Variants in TMEM123 observed in about 807,000 individuals in gnomAD.
TMEM123 encodes the protein transmembrane protein 123.
Under a neutral mutation model 19.7 loss-of-function variants are expected in TMEM123, and 16 were observed. The ratio of observed to expected loss-of-function variants is 0.81; its 90% confidence interval spans 0.55 to 1.23. The LOEUF is 1.23. Ranked by LOEUF, TMEM123 falls within the 50% of genes most tolerant of loss-of-function variation. The pLI, the probability that TMEM123 is intolerant of heterozygous loss-of-function variation, is 0.00. For missense variants in TMEM123, 313 were observed against 257.8 expected, an observed-to-expected ratio of 1.21 and a Z score of -1.47; for synonymous variants, 118 against 99.4, an observed-to-expected ratio of 1.19 and a Z score of -1.12.
rs576130299 is a variant in TMEM123 at position 102,412,534 on chromosome 11, C to T, written c.158-10328G>A. 4.3e-4 allele frequency among the ~76,000 whole-genome samples: 65 copies of T among 151,956 alleles called. 1 individual carries two copies. The Middle Eastern group carries it at 0.01, about 24-fold the overall frequency. On this transcript the variant is annotated intron_variant, in intron 2 of 4. Coordinates refer to ENST00000398136, the MANE Select transcript of TMEM123 (RefSeq NM_052932.3). ...AACTTAAATATAAGATATAGAAATG[C>T]TAAAAAGTATTGAAAGTAAGAGTAA... is the stretch of plus-strand genomic sequence containing the variant.
Position 102,398,867 on chromosome 11 carries a change from T to C in TMEM123, c.627A>G (p.Ter209=), listed in dbSNP as rs1185517291. The C allele has an allele frequency of 6.2e-7, 1 of 1,611,700 alleles. No individual in the cohort carries two copies. The highest frequency in any genetic ancestry group is 8.5e-7 in the Non-Finnish European group (1 of 1,179,382). ...RTIDEHDAII[*] ...TTCCATCCTTGGTCCATGGATTTCC[T>C]TAAATGATGGCATCATGTTCATCTC... Residue 209 remains the stop codon, a stop_retained_variant, in exon 5 of 5, where the codon TAA becomes TAG. Coordinates refer to ENST00000398136, the MANE Select transcript of TMEM123 (RefSeq NM_052932.3).
In TMEM123 at chr11:102,398,666, AG is replaced by A. The variant is rs5794169; in HGVS notation, c.*200del. 565,778 of 576,772 alleles carry A rather than the reference AG, an allele frequency of 0.98. 277,602 individuals carry two copies. Among genetic ancestry groups the A allele is most frequent in the East Asian group, 1 (31,267 of 31,268 alleles). The allele number at this position is 576,772 out of a possible 1,614,324, so 35.7% of individuals were successfully genotyped here. On this transcript the variant is annotated 3_prime_UTR_variant, in exon 5 of 5. Transcript: ENST00000398136. Reference sequence around the variant, plus strand: ...AAAACCATTGTATGAACGGTCTATAAGGATCCAGATGTTTATTTCAAAACCC... The same window carrying A: ...AAAACCATTGTATGAACGGTCTATAAGATCCAGATGTTTATTTCAAAACCC...
chr11:102,440,431 T>C (rs926624334), intron 2 of TMEM123, among the ~76,000 whole-genome samples: 3 of 152,174 alleles, frequency 2.0e-5, no homozygotes, highest in Non-Finnish European at 2.9e-5. Context: ...CAACCCAGAA[T>C]TTCATATCCA....
intron 2 of TMEM123, among the ~76,000 whole-genome samples, chr11:102,428,472 T>A (rs1169291131): frequency 4.6e-5 from 7 of 151,650 alleles, no homozygotes; most frequent in South Asian, 4.2e-4. Context: ...CAGCTTTTTT[T>A]TTTTTTTATT....
chr11:102,407,092 G>A (rs1951962510), intron 2 of TMEM123, among the ~76,000 whole-genome samples: 1 of 152,066 alleles, frequency 6.6e-6, no homozygotes, highest in Admixed American at 6.5e-5. Context: ...AAACATCCCA[G>A]CCATCAACCA....
At chr11:102,450,650 G>A (rs964702253) in intron 1 of TMEM123, among the ~76,000 whole-genome samples, 1 of 152,236 alleles carries the variant, frequency 6.6e-6, no homozygotes, top group Non-Finnish European at 1.5e-5. Flanking sequence ...ACGCGGCTTA[G>A]TGGTGAAATG....
intron 2 of TMEM123, among the ~76,000 whole-genome samples, chr11:102,408,611 T>C (rs764716134): frequency 1.7e-4 from 26 of 152,210 alleles, no homozygotes; most frequent in Non-Finnish European, 3.5e-4. Context: ...CCACAGTCCC[T>C]GAGAAGTGCT....
chr11:102,446,715 G>T (rs1295766775), intron 2 of TMEM123, among the ~76,000 whole-genome samples: 1 of 152,066 alleles, frequency 6.6e-6, no homozygotes, highest in South Asian at 2.1e-4. Context: ...CAAAACAAGA[G>T]AAAAAAAGAT....
chr11:102,413,158 G>C (rs1352006632), intron 2 of TMEM123, among the ~76,000 whole-genome samples: 1 of 152,090 alleles, frequency 6.6e-6, no homozygotes, highest in Admixed American at 6.5e-5. Flanking sequence ...CCATCTTCCA[G>C]CAACTCATAC....
In TMEM123 at chr11:102,452,613, C is replaced by A. The variant is rs746385427; in HGVS notation, c.11G>T (p.Gly4Val). 1.1e-4 allele frequency: 166 copies of A among 1,555,664 alleles called. No homozygotes were observed. Among genetic ancestry groups the A allele is most frequent in the Non-Finnish European group, 1.4e-4 (160 of 1,154,012 alleles). Residue 4 changes from glycine to valine, a missense_variant, in exon 1 of 5, where the codon GGC (glycine) becomes GTC (valine). Transcript: ENST00000398136. Reference protein sequence around the residue: MGLGARGAWAALLL... With the variant: MGLVARGAWAALLL... ...CAGCGCGGCCCAAGCACCTCGCGCG[C>A]CGAGTCCCATTGTTCCGAGGGCAGG...
chr11:102,413,350 ATAAGTT>A (rs1332092320), intron 2 of TMEM123, among the ~76,000 whole-genome samples: 1 of 152,210 alleles, frequency 6.6e-6, no homozygotes, highest in African/African-American at 2.4e-5. Context: ...CTCTAGCTAG[ATAAGTT>A]TAATTAAAAG....
chr11:102,452,569 C>A lies in TMEM123; in HGVS notation c.55G>T (p.Val19Leu). 6.4e-7 allele frequency: 1 copy of A among 1,574,314 alleles called. No homozygotes were observed. The highest frequency in any genetic ancestry group is 2.3e-5 in the East Asian group (1 of 42,810). Residue 19 changes from valine (V) to leucine (L), a missense_variant, in exon 1 of 5, where the codon GTG becomes TTG. Val to Leu is a conservative substitution (Grantham distance 32, BLOSUM62 1). Transcript: ENST00000398136. ...WAALLLGTLQ[V>L]LALLGAAHES... Reference sequence around the variant, plus strand: ...TGGGCGGCCCCCAGCAGCGCTAGCACCTGCAGCGTCCCCAGGAGCAGCGCG... The same window carrying A: ...TGGGCGGCCCCCAGCAGCGCTAGCAACTGCAGCGTCCCCAGGAGCAGCGCG...
Position 102,452,495 on chromosome 11 carries a change from C to T in TMEM123, c.100+29G>A, listed in dbSNP as rs988218114. On this transcript the variant is annotated intron_variant, in intron 1 of 4. Coordinates refer to ENST00000398136, the MANE Select transcript of TMEM123 (RefSeq NM_052932.3). ...TCGGCAGCGCGCTGCCTCCCACGAA[C>T]GGGGCTGACGACCCCCGCAGCCACT... 6.9e-6 allele frequency: 10 copies of T among 1,456,550 alleles called. No homozygotes were observed. In the African/African-American group the frequency reaches 1.4e-4, roughly 21 times the overall value. 90.2% of individuals were successfully genotyped at this position (1,456,550 alleles called of 1,614,324 possible).
chr11:102,427,200 A>G (rs1333983884), intron 2 of TMEM123, among the ~76,000 whole-genome samples: 3 of 151,368 alleles, frequency 2.0e-5, no homozygotes, highest in Non-Finnish European at 4.4e-5. Flanking sequence ...GCTTTTGTTT[A>G]GTTTCTTAAA....
intron 2 of TMEM123, among the ~76,000 whole-genome samples, chr11:102,432,095 G>A (rs1857716547): frequency 6.6e-6 from 1 of 152,184 alleles, no homozygotes; most frequent in Non-Finnish European, 1.5e-5. Flanking sequence ...CATTGGTACT[G>A]GGAGTGGGGT....
intron 2 of TMEM123, among the ~76,000 whole-genome samples, chr11:102,417,798 G>A (rs922175631): frequency 1.2e-4 from 18 of 151,852 alleles, no homozygotes; most frequent in Admixed American, 3.3e-4. Context: ...ACTGATACAC[G>A]GAACAATGGA....
chr11:102,431,022 G>C (rs1276348851), intron 2 of TMEM123, among the ~76,000 whole-genome samples: 1 of 152,130 alleles, frequency 6.6e-6, no homozygotes, highest in Non-Finnish European at 1.5e-5. Context: ...GACTAAAAAA[G>C]TCATCACTTT....
At chr11:102,426,870 C>T (rs956981727) in intron 2 of TMEM123, among the ~76,000 whole-genome samples, 1 of 90,922 alleles carries the variant, frequency 1.1e-5, no homozygotes, top group African/African-American at 4.1e-5. Context: ...CCCCCCCCCC[C>T]CCCATTTATT....
intron 2 of TMEM123, among the ~76,000 whole-genome samples, chr11:102,445,305 A>G (rs533459820): frequency 1.4e-4 from 21 of 152,208 alleles, no homozygotes; most frequent in African/African-American, 4.8e-4. Flanking sequence ...TCCAATCTCT[A>G]GTTAAAAACT....
Sources: allele counts gnomAD v4.1 joint callset (sites outside exome capture counted in the v4.1 genomes callset), GRCh38; gene constraint gnomAD v4.1.1; transcripts MANE v1.5; gene names NCBI Gene and HGNC (gene_info 2026-07-23, HGNC 2026-07-21).